Variants in COL19A1 observed in about 807,000 individuals in gnomAD.
COL19A1 encodes the protein collagen type XIX alpha 1 chain, also known as collagen alpha-1(XIX) chain.
Under a neutral mutation model 190.2 loss-of-function variants are expected in COL19A1, and 159 were observed. The ratio of observed to expected loss-of-function variants is 0.84; its 90% CI spans 0.73 to 0.95. The LOEUF is 0.95. COL19A1 is among the 40% of genes least tolerant of loss of function. The pLI is 0.00. For missense variants in COL19A1, 1,418 were observed against 1,431.9 expected (o/e 0.99, Z 0.16); for synonymous variants, 509 against 458.9 (o/e 1.11, Z -1.39).
chr6:70,026,090 T>G (rs1778717406), intron 12 of COL19A1, among the ~76,000 whole-genome samples: 1 of 152,146 alleles, frequency 6.6e-6, no homozygotes, highest in East Asian at 1.9e-4. Flanking sequence ...AAAGTAATAT[T>G]GGAATTGAAA....
At chr6:69,955,399 C>T (rs1020469977) in intron 9 of COL19A1, among the ~76,000 whole-genome samples, 4 of 152,130 alleles carry the variant, frequency 2.6e-5, no homozygotes, top group Non-Finnish European at 4.4e-5. Context: ...AAAATAACAT[C>T]CCTTTGACAG....
intron 11 of COL19A1, among the ~76,000 whole-genome samples, chr6:69,966,051 T>C (rs898379005): frequency 6.6e-6 from 1 of 152,200 alleles, no homozygotes; most frequent in Non-Finnish European, 1.5e-5. Flanking sequence ...ATACTATCTG[T>C]CAGCCTTCCC....
intron 11 of COL19A1, among the ~76,000 whole-genome samples, chr6:69,984,083 G>A (rs576933232): frequency 1.3e-5 from 2 of 152,098 alleles, no homozygotes; most frequent in African/African-American, 4.8e-5. Context: ...GGGTCTGAAG[G>A]TTTCTTTGTG....
intron 9 of COL19A1, among the ~76,000 whole-genome samples, chr6:69,957,880 T>C (rs2150042025): frequency 6.6e-6 from 1 of 152,262 alleles, no homozygotes; most frequent in South Asian, 2.1e-4. Flanking sequence ...TGACATAAGG[T>C]AGGTTTTAGA....
At chr6:70,010,072 T>G (rs2150093838) in intron 11 of COL19A1, among the ~76,000 whole-genome samples, 1 of 152,274 alleles carries the variant, frequency 6.6e-6, no homozygotes, top group African/African-American at 2.4e-5. Flanking sequence ...AGTCAATCAA[T>G]GAAAGAAATA....
chr6:69,869,402 G>C (rs1204005266), intron 1 of COL19A1, among the ~76,000 whole-genome samples: 1 of 152,202 alleles, frequency 6.6e-6, no homozygotes, highest in African/African-American at 2.4e-5. Context: ...ATAGAAATAT[G>C]ATGTATGCAG....
intron 14 of COL19A1, among the ~76,000 whole-genome samples, chr6:70,054,652 A>G (rs1008986616): frequency 2.6e-5 from 4 of 152,222 alleles, no homozygotes; most frequent in African/African-American, 9.6e-5. Flanking sequence ...TTACAGGATT[A>G]AAGAATCAAA....
intron 4 of COL19A1, among the ~76,000 whole-genome samples, chr6:69,914,323 G>T (rs948626087): frequency 1.3e-5 from 2 of 152,152 alleles, no homozygotes; most frequent in Admixed American, 1.3e-4. Flanking sequence ...TCTAGGCCCT[G>T]CTAGCCAAAT....
At chr6:69,915,997 C>T (rs6929367) in intron 4 of COL19A1, among the ~76,000 whole-genome samples, 15,902 of 144,242 alleles carry the variant, frequency 0.11, 964 homozygotes, top group Middle Eastern at 0.18. Flanking sequence ...AGTGCAGTGG[C>T]GCGATCTCAG....
At chr6:69,941,400 A>G (rs1773458275) in intron 9 of COL19A1, among the ~76,000 whole-genome samples, 1 of 152,182 alleles carries the variant, frequency 6.6e-6, no homozygotes, top group Non-Finnish European at 1.5e-5. Context: ...TTGTCCATAT[A>G]TTGAAGGAGA....
chr6:69,980,609 GATAAA>G lies in COL19A1; in HGVS notation c.1026+17743_1026+17747del, dbSNP rs562032559. On this transcript the variant is annotated intron_variant, in intron 11 of 50. Coordinates refer to ENST00000620364, the MANE Select transcript of COL19A1 (RefSeq NM_001858.6). ...AAATCAAGTAGGAAATAATTGTTCT[GATAAA>G]ATATAATTAATAGGTGACCAGTTAA... 2.3e-3 allele frequency among the ~76,000 whole-genome samples: 352 copies of G among 152,240 alleles called. 2 individuals carry two copies. The highest frequency in any genetic ancestry group is 8.0e-3 in the African/African-American group (334 of 41,572).
Position 70,151,458 on chromosome 6 carries a change from G to T in COL19A1, c.2079+20G>T, listed in dbSNP as rs1473230394. ...CTCAAGGTACTCTATTGCTATGTAA[G>T]AAATTATGTGTTAATTTCCAGGAAA... On this transcript the variant is annotated intron_variant, in intron 31 of 50. Coordinates refer to ENST00000620364, the MANE Select transcript of COL19A1 (RefSeq NM_001858.6). 6.2e-7 allele frequency: 1 copy of T among 1,608,630 alleles called. No homozygotes were observed. The highest frequency in any genetic ancestry group is 8.5e-7 in the Non-Finnish European group (1 of 1,176,646).
chr6:70,141,847 C>T, intron 20 of COL19A1, 46 bp from the exon 21 acceptor site: 1 of 1,250,516 alleles, frequency 8.0e-7, no homozygotes, highest in Non-Finnish European at 1.2e-6. Flanking sequence ...TGTCCATTTC[C>T]ATCTGAATTT....
intron 2 of COL19A1, among the ~76,000 whole-genome samples, chr6:69,884,965 C>T (rs1409290486): frequency 3.3e-5 from 5 of 151,978 alleles, no homozygotes; most frequent in Middle Eastern, 3.4e-3. Context: ...CAGGTTCAAG[C>T]GATTCTCCTG....
At chr6:69,946,950 A>G (rs1773858356) in intron 9 of COL19A1, among the ~76,000 whole-genome samples, 1 of 151,734 alleles carries the variant, frequency 6.6e-6, no homozygotes, top group South Asian at 2.1e-4. Flanking sequence ...ACACAGCCAC[A>G]CTCATTTGTT....
chr6:70,185,852 C>T (rs1346875736), intron 46 of COL19A1, among the ~76,000 whole-genome samples: 1 of 151,986 alleles, frequency 6.6e-6, no homozygotes, highest in African/African-American at 2.4e-5. Flanking sequence ...TACAAGTAAT[C>T]TATAATAACT....
At chr6:70,023,411 C>T (rs1385184326) in intron 11 of COL19A1, among the ~76,000 whole-genome samples, 1 of 152,162 alleles carries the variant, frequency 6.6e-6, no homozygotes, top group East Asian at 1.9e-4. Flanking sequence ...GCTAGGATTA[C>T]AGGTGTGAAC....
At chr6:70,130,081 G>A (rs564664899) in intron 17 of COL19A1, 101 bp from the exon 18 acceptor site, 50 of 1,213,314 alleles carry the variant, frequency 4.1e-5, no homozygotes, top group Admixed American at 1.1e-4. Flanking sequence ...CATAAAAAGC[G>A]GTTACAGAAC....
At chr6:70,172,102 G>T in intron 41 of COL19A1, 85 bp downstream of exon 41, 1 of 1,238,236 alleles carries the variant, frequency 8.1e-7, no homozygotes, top group Non-Finnish European at 1.2e-6. Context: ...AACTGTTTTA[G>T]GTTAGGGATA....
Sources: gnomAD v4.1 joint callset for allele counts (sites outside exome capture counted in the v4.1 genomes callset) on GRCh38, gnomAD v4.1.1 for gene constraint, MANE v1.5 for transcripts, NCBI Gene and HGNC (gene_info 2026-07-23, HGNC 2026-07-21) for gene names.